Variants in CATSPERE observed in about 807,000 individuals in gnomAD.
CATSPERE encodes cation channel sperm-associated auxiliary subunit epsilon.
A neutral mutation model predicts 114.1 loss-of-function variants in CATSPERE; 93 were observed. The ratio of observed to expected loss-of-function variants is 0.81; its 90% CI spans 0.69 to 0.97. CATSPERE has a LOEUF of 0.97. Among genes scored for constraint, CATSPERE ranks in the 50% least tolerant of loss-of-function variants. CATSPERE has a pLI of 0.00. For missense variants in CATSPERE, 1,058 were observed against 1,131.6 expected, an observed-to-expected ratio of 0.93 and a Z score of 0.93; for synonymous variants, 341 against 384.1, an observed-to-expected ratio of 0.89 and a Z score of 1.31.
intron 20 of CATSPERE, among the ~76,000 whole-genome samples, chr1:244,630,682 G>A (rs1396880452): frequency 3.9e-5 from 6 of 152,200 alleles, no homozygotes; most frequent in Non-Finnish European, 8.8e-5. Context: ...ACTGGGAAGT[G>A]TTCTGGGATC....
chr1:244,520,160 T>C (rs1677281911), intron 8 of CATSPERE, among the ~76,000 whole-genome samples: 1 of 152,146 alleles, frequency 6.6e-6, no homozygotes, highest in South Asian at 2.1e-4. Flanking sequence ...TTACCTGTTT[T>C]TTTCCTTTGG....
chr1:244,490,306 T>G, intron 5 of CATSPERE, 141 bp from the exon 6 acceptor site: 1 of 538,622 alleles, frequency 1.9e-6, no homozygotes, highest in Non-Finnish European at 3.3e-6. Context: ...TGTTTTTACA[T>G]TTAGCCTTTA....
At chr1:244,585,067 A>C (rs1666840732) in intron 13 of CATSPERE, among the ~76,000 whole-genome samples, 1 of 144,388 alleles carries the variant, frequency 6.9e-6, no homozygotes, top group South Asian at 2.2e-4. Context: ...TCTAATCTAT[A>C]GAATTTTTTA....
chr1:244,471,048 G>C (rs1019749704), intron 2 of CATSPERE, among the ~76,000 whole-genome samples: 1 of 152,150 alleles, frequency 6.6e-6, no homozygotes, highest in South Asian at 2.1e-4. Flanking sequence ...GAGTGTGGCA[G>C]TTTTTTTGTG....
At chr1:244,512,428 T>C (rs1675927046) in intron 7 of CATSPERE, among the ~76,000 whole-genome samples, 1 of 152,168 alleles carries the variant, frequency 6.6e-6, no homozygotes, top group Admixed American at 6.5e-5. Context: ...AATCTCTCAT[T>C]CAGATCTTGA....
chr1:244,613,590 A>G (rs1291956576), intron 19 of CATSPERE, among the ~76,000 whole-genome samples: 1 of 152,222 alleles, frequency 6.6e-6, no homozygotes, highest in African/African-American at 2.4e-5. Context: ...AGAAGGCAAT[A>G]TTCAACCTTT....
At position 244,599,998 on chromosome 1, in the gene CATSPERE, G is replaced by A. The variant is rs552541461; in HGVS notation, c.2304-5697G>A. On this transcript the variant is annotated intron_variant, in intron 17 of 21. Coordinates refer to ENST00000366534, the MANE Select transcript of CATSPERE (RefSeq NM_001130957.2). ...TAGATGAGTATGTTTACAGTTTGAG[G>A]ATAAAGAAAGGAAGGTTAGAAATGA... is the stretch of plus-strand genomic sequence containing the variant. Among the ~76,000 whole-genome samples, 7 of 152,212 alleles carry A rather than the reference G, an allele frequency of 4.6e-5. 1 individual carries two copies. The South Asian group carries it at 1.5e-3, about 32-fold the overall frequency.
At position 244,575,738 on chromosome 1, in the gene CATSPERE, C is replaced by T. The variant is rs1175404489; in HGVS notation, c.1950+2966C>T. ...TGCCAGCCGCCTACGCTGCTGTTCTCCCCTCTCCTTCCCTTTCCCCTAGGG... is the reference window on the plus strand; with the variant it reads ...TGCCAGCCGCCTACGCTGCTGTTCTTCCCTCTCCTTCCCTTTCCCCTAGGG... On this transcript the variant is annotated intron_variant, in intron 11 of 21. Coordinates refer to ENST00000366534, the MANE Select transcript of CATSPERE (RefSeq NM_001130957.2). The surrounding 1 kb of genome is among the most constrained non-coding windows in gnomAD (Gnocchi z 4.5). Among the ~76,000 whole-genome samples, 6 of 152,054 alleles carry T rather than the reference C, an allele frequency of 3.9e-5. No homozygotes were observed. In the East Asian group the frequency reaches 1.2e-3, roughly 29 times the overall value.
intron 20 of CATSPERE, among the ~76,000 whole-genome samples, chr1:244,623,058 T>TTTTTTTTA (rs140542129): frequency 6.9e-6 from 1 of 145,508 alleles, no homozygotes; most frequent in Non-Finnish European, 1.5e-5. Context: ...TTTGTCTTAT[T>TTTTTTTTA]TTTATTTATT....
intron 10 of CATSPERE, among the ~76,000 whole-genome samples, chr1:244,563,935 G>A (rs1040120117): frequency 7.9e-5 from 12 of 152,270 alleles, no homozygotes; most frequent in African/African-American, 2.4e-4. Context: ...TGTATAAGGT[G>A]TAAGGAAGGG....
Position 244,627,611 on chromosome 1 carries a change from A to G in CATSPERE, c.2649-7878A>G, listed in dbSNP as rs115491884. Among the ~76,000 whole-genome samples the G allele has an allele frequency of 9.3e-3, 1,415 of 152,214 alleles. 26 individuals are homozygous for G. The highest frequency in any genetic ancestry group is 0.032 in the African/African-American group (1,339 of 41,516). Reference sequence around the variant, plus strand: ...TTGAAATACTGTGAGAATTACCAAAATGTGACAGACACAAAGCAAGCACAT... The same window carrying G: ...TTGAAATACTGTGAGAATTACCAAAGTGTGACAGACACAAAGCAAGCACAT... On this transcript the variant is annotated intron_variant, in intron 20 of 21. Coordinates refer to ENST00000366534, the MANE Select transcript of CATSPERE (RefSeq NM_001130957.2).
At chr1:244,452,825 C>T (rs1665735830), upstream of CATSPERE, among the ~76,000 whole-genome samples, 1 of 152,178 alleles carries the variant, frequency 6.6e-6, no homozygotes, top group South Asian at 2.1e-4. Flanking sequence ...CTCTCAGTTA[C>T]ATTTGTAACT....
At chr1:244,543,594 A>G (rs779802117) in intron 8 of CATSPERE, among the ~76,000 whole-genome samples, 1 of 148,884 alleles carries the variant, frequency 6.7e-6, no homozygotes, top group Non-Finnish European at 1.5e-5. Context: ...AGTCAATAAC[A>G]GTAATATATA....
chr1:244,451,363 T>G (rs1467150835), upstream of CATSPERE, among the ~76,000 whole-genome samples: 2 of 152,154 alleles, frequency 1.3e-5, no homozygotes, highest in Non-Finnish European at 1.5e-5. The surrounding 1 kb of genome is among the most constrained non-coding windows in gnomAD (Gnocchi z 6.6). Context: ...AAACTGCAAC[T>G]GCCAGGCATC....
At chr1:244,555,029 A>G (rs527980123) in intron 9 of CATSPERE, among the ~76,000 whole-genome samples, 6 of 152,352 alleles carry the variant, frequency 3.9e-5, no homozygotes, top group African/African-American at 1.4e-4. Context: ...GACAAACACC[A>G]TATGATCCTC....
chr1:244,543,521 G>A (rs1198827529), intron 8 of CATSPERE, among the ~76,000 whole-genome samples: 2 of 151,566 alleles, frequency 1.3e-5, no homozygotes, highest in Non-Finnish European at 2.9e-5. Context: ...TAATCAAAGG[G>A]TACAAAAGTT....
At position 244,468,598 on chromosome 1, in the gene CATSPERE, T is replaced by A. The variant is rs4408137; in HGVS notation, c.114+4642T>A. 4.6e-5 allele frequency among the ~76,000 whole-genome samples: 7 copies of A among 152,172 alleles called. No homozygotes were observed. The East Asian group carries it at 1.2e-3, about 25-fold the overall frequency. ...GAGTAATATTACAAAACCAATGATA[T>A]TGCAGCTGATTTGAAAGTGATATTA... On this transcript the variant is annotated intron_variant, in intron 2 of 21. Transcript: ENST00000366534.
intron 17 of CATSPERE, among the ~76,000 whole-genome samples, chr1:244,598,956 AGTAATAAATAAACC>A (rs1319803513): frequency 2.0e-5 from 3 of 152,166 alleles, no homozygotes; most frequent in Non-Finnish European, 2.9e-5. Context: ...GCTATGCTGC[AGTAATAAATAAACC>A]CTAAAATCCC....
intron 8 of CATSPERE, among the ~76,000 whole-genome samples, chr1:244,525,746 T>C (rs1005694489): frequency 6.6e-6 from 1 of 151,990 alleles, no homozygotes; most frequent in Non-Finnish European, 1.5e-5. Flanking sequence ...TTGTTTGCAA[T>C]TGCAAAAAAA....
Sources: allele counts gnomAD v4.1 joint callset (sites outside exome capture counted in the v4.1 genomes callset), GRCh38; gene constraint gnomAD v4.1.1; non-coding constraint Gnocchi (gnomAD v3.1); transcripts MANE v1.5; gene names NCBI Gene and HGNC (gene_info 2026-07-23, HGNC 2026-07-21).